ADAMTS3: variants seen among roughly 807,000 people sequenced by gnomAD.
ADAMTS3 encodes ADAM metallopeptidase with thrombospondin type 1 motif 3, also known as A disintegrin and metalloproteinase with thrombospondin motifs 3.
ADAMTS3 carries 73 observed loss-of-function variants against 129.0 expected under a neutral mutation model. The ratio of observed to expected loss-of-function variants is 0.57; its 90% CI spans 0.47 to 0.69. The LOEUF is 0.69. ADAMTS3 is among the 30% of genes least tolerant of loss of function. The pLI, the probability that ADAMTS3 is intolerant of heterozygous loss-of-function variation, is 0.00. For synonymous variants in ADAMTS3, 477 were observed against 510.8 expected (o/e 0.93, Z 0.89); for missense variants, 1,457 against 1,514.5 (o/e 0.96, Z 0.63).
chr4:72,548,345 G>A, intron 3 of ADAMTS3, 133 bp downstream of exon 3: 1 of 921,180 alleles, frequency 1.1e-6, no homozygotes, highest in South Asian at 2.3e-5. Flanking sequence ...ATGCTTTCTA[G>A]TGTCTTTTTC....
chr4:72,533,532 T>A (rs1371207942), intron 3 of ADAMTS3, among the ~76,000 whole-genome samples: 2 of 152,084 alleles, frequency 1.3e-5, no homozygotes, highest in Non-Finnish European at 2.9e-5. Context: ...TTTATTATCA[T>A]CAAGTACATA....
chr4:72,547,209 G>A lies in ADAMTS3; in HGVS notation c.504+1269C>T, dbSNP rs76674688. On this transcript the variant is annotated intron_variant, in intron 3 of 21. Coordinates refer to ENST00000286657, the MANE Select transcript of ADAMTS3 (RefSeq NM_014243.3). ...CTCAATAATTCTTACCTATAATTAG[G>A]GCAGACTAGAGCAAGGATAAAGCTG... is the stretch of plus-strand genomic sequence containing the variant. 6.2e-3 allele frequency among the ~76,000 whole-genome samples: 949 copies of A among 152,144 alleles called. 5 individuals are homozygous for A. Among genetic ancestry groups the A allele is most frequent in the Middle Eastern group, 0.014 (4 of 294 alleles).
chr4:72,400,240 C>T (rs1190185389), intron 4 of ADAMTS3, among the ~76,000 whole-genome samples: 1 of 140,518 alleles, frequency 7.1e-6, no homozygotes, highest in Non-Finnish European at 1.5e-5. Context: ...TGTATATATG[C>T]ACACATGGTG....
chr4:72,482,296 C>T (rs184293501), intron 3 of ADAMTS3, among the ~76,000 whole-genome samples: 1 of 152,058 alleles, frequency 6.6e-6, no homozygotes, highest in African/African-American at 2.4e-5. Flanking sequence ...AAGTATGATA[C>T]ATCCATTCCT....
chr4:72,311,343 C>T (rs953101498), intron 13 of ADAMTS3, among the ~76,000 whole-genome samples, 162 bp from the exon 14 acceptor site: 10 of 146,352 alleles, frequency 6.8e-5, no homozygotes, highest in Non-Finnish European at 1.1e-4. Flanking sequence ...AAAGTATGTA[C>T]ATTTGACATT....
Position 72,346,102 on chromosome 4 carries a change from C to A in ADAMTS3, c.662-6409G>T, listed in dbSNP as rs549982256. On this transcript the variant is annotated intron_variant, in intron 4 of 21. Transcript: ENST00000286657. ...ACAAACTTTGCCTTCAAATTAGCTCCTTTGATTATTTCAAAATGGTTACAC... is the reference window on the plus strand; with the variant it reads ...ACAAACTTTGCCTTCAAATTAGCTCATTTGATTATTTCAAAATGGTTACAC... Among the ~76,000 whole-genome samples the A allele has an allele frequency of 3.9e-5, 6 of 152,218 alleles. No individual in the cohort carries two copies. The East Asian group carries it at 9.7e-4, about 24-fold the overall frequency.
intron 4 of ADAMTS3, among the ~76,000 whole-genome samples, chr4:72,413,493 A>G (rs1722230185): frequency 1.3e-5 from 2 of 152,060 alleles, no homozygotes; most frequent in Admixed American, 1.3e-4. Context: ...ACATGAAGAC[A>G]ATGACTAATG....
intron 3 of ADAMTS3, among the ~76,000 whole-genome samples, chr4:72,532,674 C>T (rs949428071): frequency 2.5e-4 from 38 of 152,124 alleles, no homozygotes; most frequent in African/African-American, 8.0e-4. Context: ...CATAGTGTAT[C>T]CTACTACATA....
At chr4:72,454,669 T>A (rs1323901726) in intron 3 of ADAMTS3, among the ~76,000 whole-genome samples, 4 of 151,646 alleles carry the variant, frequency 2.6e-5, no homozygotes, top group Non-Finnish European at 1.5e-5. Flanking sequence ...CTTTGTAAAA[T>A]ACAATAGGTT....
intron 3 of ADAMTS3, among the ~76,000 whole-genome samples, chr4:72,447,737 A>C (rs1418919011): frequency 6.6e-6 from 1 of 151,742 alleles, no homozygotes; most frequent in African/African-American, 2.4e-5. Context: ...ATAAAGAAGC[A>C]CAGTTGGCTC....
At chr4:72,408,683 T>G (rs1722110285) in intron 4 of ADAMTS3, among the ~76,000 whole-genome samples, 1 of 141,162 alleles carries the variant, frequency 7.1e-6, no homozygotes, top group Non-Finnish European at 1.5e-5. Flanking sequence ...CATGAAAGTT[T>G]ATAAATCATT....
At chr4:72,353,480 G>T (rs1200326054) in intron 4 of ADAMTS3, among the ~76,000 whole-genome samples, 1 of 151,990 alleles carries the variant, frequency 6.6e-6, no homozygotes, top group Non-Finnish European at 1.5e-5. Flanking sequence ...AAAGAAAGGT[G>T]CAGTTTCAGT....
rs574157252 is a variant in ADAMTS3 at position 72,305,881 on chromosome 4, T to C, written c.2260+106A>G. The C allele has an allele frequency of 3.2e-6, 3 of 926,358 alleles. No homozygotes were observed. The South Asian group carries it at 4.3e-5, about 13-fold the overall frequency. 57.4% of individuals were successfully genotyped at this position (926,358 alleles called of 1,614,324 possible). On this transcript the variant is annotated intron_variant, in intron 16 of 21. Coordinates refer to ENST00000286657, the MANE Select transcript of ADAMTS3 (RefSeq NM_014243.3). ...GTATGCACATGTATGTACATATACG[T>C]ATGCACATATATGTGTACATATATA...
intron 5 of ADAMTS3, among the ~76,000 whole-genome samples, chr4:72,339,255 T>G (rs907022408): frequency 1.3e-5 from 2 of 152,218 alleles, no homozygotes; most frequent in Non-Finnish European, 2.9e-5. Flanking sequence ...AAATTTATGA[T>G]TCCCCCTTGA....
At position 72,568,769 on chromosome 4, in the gene ADAMTS3, T is replaced by G. The variant is rs1722087536; in HGVS notation, c.-7A>C. The G allele has an allele frequency of 6.2e-7, 1 of 1,611,164 alleles. No homozygotes were observed. The highest frequency in any genetic ancestry group is 1.7e-5 in the Admixed American group (1 of 59,666). ...AAAGTGACAGGAGAACCATCACGAG[T>G]CGAGTTCACTTTCCAACTACTGGGC... On this transcript the variant is annotated 5_prime_UTR_variant, in exon 1 of 22. Transcript: ENST00000286657.
intron 2 of ADAMTS3, among the ~76,000 whole-genome samples, chr4:72,561,038 T>C (rs947843606): frequency 5.3e-5 from 8 of 152,044 alleles, no homozygotes; most frequent in East Asian, 1.9e-4. Flanking sequence ...CCTGGATATA[T>C]AGATTTAGAT....
chr4:72,400,302 T>C (rs1181800930), intron 4 of ADAMTS3, among the ~76,000 whole-genome samples: 1 of 147,810 alleles, frequency 6.8e-6, no homozygotes, highest in African/African-American at 2.5e-5. Flanking sequence ...TATACGTGTG[T>C]ATATATGCAC....
chr4:72,508,580 A>G (rs996543684), intron 3 of ADAMTS3, among the ~76,000 whole-genome samples: 1 of 152,140 alleles, frequency 6.6e-6, no homozygotes, highest in African/African-American at 2.4e-5. Flanking sequence ...TTTTACAAAT[A>G]TCATCTGGCT....
chr4:72,337,975 G>A (rs549926543), intron 5 of ADAMTS3, among the ~76,000 whole-genome samples: 8 of 151,990 alleles, frequency 5.3e-5, no homozygotes, highest in African/African-American at 1.7e-4. Context: ...AGTAGCCCAG[G>A]GACATAATGA....
Sources: allele counts gnomAD v4.1 joint callset (sites outside exome capture counted in the v4.1 genomes callset), GRCh38; gene constraint gnomAD v4.1.1; transcripts MANE v1.5; gene names NCBI Gene and HGNC (gene_info 2026-07-23, HGNC 2026-07-21).